SLC27A6: variants seen among roughly 807,000 people sequenced by gnomAD.
SLC27A6 encodes the protein long-chain fatty acid transport protein 6.
In SLC27A6, 74 loss-of-function variants were observed where a neutral mutation model predicts 63.9. The observed-to-expected ratio is 1.16, with a 90% CI of 0.96 to 1.40. The LOEUF is 1.40. Ranked by LOEUF, SLC27A6 falls within the 40% of genes most tolerant of loss-of-function variation. The pLI, the probability that SLC27A6 is intolerant of heterozygous loss-of-function variation, is 0.00. For missense variants in SLC27A6, 794 were observed against 732.9 expected, an observed-to-expected ratio of 1.08 and a Z score of -0.96; for synonymous variants, 287 against 260.8, an observed-to-expected ratio of 1.10 and a Z score of -0.97.
Position 129,023,610 on chromosome 5 carries a change from T to C in SLC27A6, c.1165-10T>C, listed in dbSNP as rs764398006. 1 of 1,581,558 alleles carries C rather than the reference T, an allele frequency of 6.3e-7. No homozygotes were observed. The highest frequency in any genetic ancestry group is 8.6e-7 in the Non-Finnish European group (1 of 1,167,536). On this transcript the variant is annotated splice_polypyrimidine_tract_variant and intron_variant, in intron 5 of 9. Coordinates refer to ENST00000262462, the MANE Select transcript of SLC27A6 (RefSeq NM_001017372.3). ...GCTTGTTTCTATTTGTTTGATTTTTTTTTTTGCAGCTTCTTTCCACTTTTG... is the reference window on the plus strand; with the variant it reads ...GCTTGTTTCTATTTGTTTGATTTTTCTTTTTGCAGCTTCTTTCCACTTTTG...
intron 4 of SLC27A6, 38 bp downstream of exon 4, chr5:128,990,502 A>T (rs764959286): frequency 6.4e-7 from 1 of 1,573,032 alleles, no homozygotes; most frequent in East Asian, 2.3e-5. Flanking sequence ...TATGTCAGAA[A>T]GAATAAGTAT....
chr5:128,970,927 A>G (rs1341646234), intron 1 of SLC27A6, among the ~76,000 whole-genome samples: 2 of 152,120 alleles, frequency 1.3e-5, no homozygotes. Context: ...ACACTGCTTT[A>G]AATGTTTTCC....
chr5:129,022,898 G>A (rs1291132574), intron 5 of SLC27A6, among the ~76,000 whole-genome samples: 1 of 152,064 alleles, frequency 6.6e-6, no homozygotes, highest in Admixed American at 6.6e-5. Flanking sequence ...TGAGAATTTA[G>A]GGGACAAATG....
At chr5:128,984,593 CCT>C (rs1750722724) in intron 1 of SLC27A6, among the ~76,000 whole-genome samples, 1 of 152,194 alleles carries the variant, frequency 6.6e-6, no homozygotes, top group South Asian at 2.1e-4. Context: ...TCAGTCTTCA[CCT>C]CTCTCTCCCA....
At chr5:128,999,754 A>G (rs1751272873) in intron 4 of SLC27A6, among the ~76,000 whole-genome samples, 1 of 152,082 alleles carries the variant, frequency 6.6e-6, no homozygotes, top group East Asian at 1.9e-4. Context: ...TCCCTAACCC[A>G]TCAAATACCT....
chr5:128,995,156 A>G (rs535293067), intron 4 of SLC27A6, among the ~76,000 whole-genome samples: 69 of 152,284 alleles, frequency 4.5e-4, no homozygotes, highest in Non-Finnish European at 7.2e-4. Context: ...GTTGTCTTTA[A>G]TATTGATTGG....
intron 4 of SLC27A6, among the ~76,000 whole-genome samples, chr5:128,990,887 G>A (rs1750957607): frequency 6.6e-6 from 1 of 152,202 alleles, no homozygotes. Flanking sequence ...ATCAGAAGCA[G>A]AGCAGACACC....
At chr5:128,971,342 A>T (rs1179002671) in intron 1 of SLC27A6, among the ~76,000 whole-genome samples, 1 of 152,036 alleles carries the variant, frequency 6.6e-6, no homozygotes, top group Non-Finnish European at 1.5e-5. Flanking sequence ...TGATCTGTCT[A>T]ATATTGACAG....
chr5:128,972,286 T>C (rs1001906492), intron 1 of SLC27A6, among the ~76,000 whole-genome samples: 6 of 152,198 alleles, frequency 3.9e-5, no homozygotes, highest in Non-Finnish European at 5.9e-5. Context: ...TTGTCTGTAT[T>C]TCCTGAATTT....
intron 4 of SLC27A6, 25 bp from the exon 5 acceptor site, chr5:129,015,860 C>G: frequency 1.3e-6 from 2 of 1,502,734 alleles, no homozygotes; most frequent in East Asian, 2.3e-5. Context: ...GAACTAATTA[C>G]AAGTAAAACA....
At position 128,999,739 on chromosome 5, in the gene SLC27A6, C is replaced by A. The variant is rs551176097; in HGVS notation, c.969+9275C>A. On this transcript the variant is annotated intron_variant, in intron 4 of 9. Coordinates refer to ENST00000262462, the MANE Select transcript of SLC27A6 (RefSeq NM_001017372.3). ...TGTTCCCCCCCTGGATATTGTATAG[C>A]TCACTCCCTAACCCATCAAATACCT... Among the ~76,000 whole-genome samples the A allele has an allele frequency of 4.7e-4, 72 of 152,242 alleles. 1 individual carries two copies. Among genetic ancestry groups the A allele is most frequent in the Admixed American group, 4.5e-3 (68 of 15,274 alleles).
chr5:129,025,786 T>C (rs1364425535), intron 6 of SLC27A6, among the ~76,000 whole-genome samples: 1 of 152,060 alleles, frequency 6.6e-6, no homozygotes, highest in Non-Finnish European at 1.5e-5. Flanking sequence ...CTTTGGCCAG[T>C]GACCTATGTG....
intron 4 of SLC27A6, among the ~76,000 whole-genome samples, chr5:129,014,443 G>A (rs1307023828): frequency 6.6e-6 from 1 of 152,122 alleles, no homozygotes; most frequent in Non-Finnish European, 1.5e-5. Flanking sequence ...TTAAAGTTAT[G>A]GTTAGGTCTT....
chr5:129,021,367 T>TA (rs1752072123), intron 5 of SLC27A6, among the ~76,000 whole-genome samples: 1 of 152,138 alleles, frequency 6.6e-6, no homozygotes. Flanking sequence ...TTTGACAAGT[T>TA]ACTTTTCTCT....
intron 2 of SLC27A6, among the ~76,000 whole-genome samples, chr5:128,986,354 A>T (rs1390158114): frequency 6.6e-6 from 1 of 152,218 alleles, no homozygotes; most frequent in Non-Finnish European, 1.5e-5. Context: ...GTTAAACTTA[A>T]TTGATTTCTA....
intron 1 of SLC27A6, among the ~76,000 whole-genome samples, chr5:128,980,168 C>CTCA (rs979801066): frequency 1.1e-4 from 17 of 151,928 alleles, no homozygotes; most frequent in African/African-American, 2.2e-4. Flanking sequence ...ATTGTATGTC[C>CTCA]TCATCATCAT....
At chr5:129,004,908 A>G (rs1408670344) in intron 4 of SLC27A6, among the ~76,000 whole-genome samples, 1 of 152,146 alleles carries the variant, frequency 6.6e-6, no homozygotes, top group Admixed American at 6.5e-5. Context: ...AATGGTTGTC[A>G]TTCTGTTGAG....
intron 4 of SLC27A6, among the ~76,000 whole-genome samples, chr5:129,013,142 G>T (rs1413934547): frequency 6.6e-6 from 1 of 151,724 alleles, no homozygotes; most frequent in Non-Finnish European, 1.5e-5. Flanking sequence ...TACCTGGAAG[G>T]ATACAAGATT....
intron 4 of SLC27A6, among the ~76,000 whole-genome samples, chr5:129,001,122 G>A (rs752427739): frequency 1.6e-4 from 24 of 152,110 alleles, no homozygotes; most frequent in Admixed American, 7.2e-4. Flanking sequence ...TTGAGTTAAA[G>A]GCAACATTGA....
Sources: allele counts gnomAD v4.1 joint callset (sites outside exome capture counted in the v4.1 genomes callset), GRCh38; gene constraint gnomAD v4.1.1; transcripts MANE v1.5; gene names NCBI Gene and HGNC (gene_info 2026-07-23, HGNC 2026-07-21).